Variants in MAD1L1 observed in about 807,000 individuals in gnomAD.
The protein encoded by MAD1L1 is mitotic arrest deficient 1 like 1.
MAD1L1 carries 95 observed loss-of-function variants against 96.9 expected under a neutral mutation model. The observed-to-expected ratio is 0.98, with a 90% CI of 0.83 to 1.16. The LOEUF (loss-of-function observed/expected upper bound fraction) is 1.16, where lower values mean the gene tolerates loss of function less well. Ranked by LOEUF, MAD1L1 falls within the 50% of genes most tolerant of loss-of-function variation. MAD1L1 has a pLI of 0.00. For synonymous variants in MAD1L1, 473 were observed against 396.6 expected (o/e 1.19, Z -2.29); for missense variants, 1,007 against 954.4 (o/e 1.06, Z -0.73).
intron 12 of MAD1L1, among the ~76,000 whole-genome samples, chr7:2,067,821 C>T (rs1436376662): frequency 6.6e-6 from 1 of 152,270 alleles, no homozygotes; most frequent in Non-Finnish European, 1.5e-5. Flanking sequence ...GAGAAAAGCC[C>T]TTCTGCGGCA....
intron 12 of MAD1L1, among the ~76,000 whole-genome samples, chr7:2,033,081 A>G (rs1191971117): frequency 3.9e-5 from 6 of 152,252 alleles, no homozygotes; most frequent in Admixed American, 2.0e-4. Context: ...CATGATAAAC[A>G]GACGCAGAAC....
intron 10 of MAD1L1, among the ~76,000 whole-genome samples, chr7:2,151,942 C>T (rs548436006): frequency 2.6e-5 from 4 of 152,302 alleles, no homozygotes; most frequent in African/African-American, 7.2e-5. Context: ...TACTCTGGAG[C>T]CCCGGGGCAT....
At chr7:2,043,364 A>C (rs975653077) in intron 12 of MAD1L1, among the ~76,000 whole-genome samples, 1 of 152,208 alleles carries the variant, frequency 6.6e-6, no homozygotes, top group Non-Finnish European at 1.5e-5. Flanking sequence ...GGGCAGCATT[A>C]GCATGTAAAT....
chr7:2,194,958 C>G (rs185426695), intron 10 of MAD1L1, among the ~76,000 whole-genome samples: 1 of 151,996 alleles, frequency 6.6e-6, no homozygotes, highest in Non-Finnish European at 1.5e-5. Flanking sequence ...CGTGCTGATG[C>G]GCACCTGTAG....
At chr7:2,052,195 C>G (rs531325709) in intron 12 of MAD1L1, among the ~76,000 whole-genome samples, 1 of 152,154 alleles carries the variant, frequency 6.6e-6, no homozygotes, top group Admixed American at 6.5e-5. Flanking sequence ...ACCCTATCGT[C>G]CTCGCCACGC....
chr7:1,893,142 A>G (rs1009406852), intron 18 of MAD1L1, among the ~76,000 whole-genome samples: 2 of 152,164 alleles, frequency 1.3e-5, no homozygotes, highest in African/African-American at 4.8e-5. Context: ...GAGCAGAGGC[A>G]GCAGGTTCCC....
intron 10 of MAD1L1, among the ~76,000 whole-genome samples, chr7:2,179,515 C>G (rs1791094160): frequency 6.8e-6 from 1 of 146,584 alleles, no homozygotes; most frequent in African/African-American, 2.5e-5. Flanking sequence ...GCGACAACAG[C>G]GAGACTCTGT....
rs184066865 is a variant in MAD1L1 at position 1,917,886 on chromosome 7, G to C, written c.1807+18801C>G. Among the ~76,000 whole-genome samples, 44 of 152,322 alleles carry C rather than the reference G, an allele frequency of 2.9e-4. No individual in the cohort carries two copies. In the East Asian group the frequency reaches 8.1e-3, roughly 28 times the overall value. On this transcript the variant is annotated intron_variant, in intron 17 of 18. Coordinates refer to ENST00000265854, the MANE Select transcript of MAD1L1 (RefSeq NM_001013836.2). ...GTTCCCCAGGAAGACAAAGCCCCCA[G>C]AGCAGCAAAGAGAAGGGCTAGCGGG...
At chr7:2,115,112 G>A (rs1275075549) in intron 11 of MAD1L1, among the ~76,000 whole-genome samples, 1 of 152,230 alleles carries the variant, frequency 6.6e-6, no homozygotes, top group African/African-American at 2.4e-5. Context: ...AGAAGCCGGG[G>A]CCCACCACTG....
chr7:2,229,235 G>A (rs1241667734), intron 3 of MAD1L1, among the ~76,000 whole-genome samples: 1 of 152,108 alleles, frequency 6.6e-6, no homozygotes, highest in East Asian at 1.9e-4. Context: ...CCAGGCAGAG[G>A]AGCCTAGAGG....
chr7:2,132,988 C>G (rs1282557493), intron 11 of MAD1L1, among the ~76,000 whole-genome samples: 3 of 152,250 alleles, frequency 2.0e-5, no homozygotes, highest in Non-Finnish European at 4.4e-5. Flanking sequence ...CCTGGCGTCT[C>G]CCTGCTCTCC....
intron 18 of MAD1L1, among the ~76,000 whole-genome samples, chr7:1,889,018 C>A (rs1042873787): frequency 2.0e-5 from 3 of 152,222 alleles, no homozygotes; most frequent in Non-Finnish European, 2.9e-5. Context: ...TGGCAGGGAT[C>A]CACTCAGCGC....
chr7:1,926,671 A>G (rs910503947), intron 17 of MAD1L1, among the ~76,000 whole-genome samples: 4 of 152,254 alleles, frequency 2.6e-5, no homozygotes, highest in African/African-American at 9.6e-5. Flanking sequence ...AGCATCTGAC[A>G]GACGCCAACA....
chr7:2,045,385 CG>C (rs1232969932), intron 12 of MAD1L1, among the ~76,000 whole-genome samples: 1 of 152,170 alleles, frequency 6.6e-6, no homozygotes, highest in Non-Finnish European at 1.5e-5. Flanking sequence ...CTCAGGCTGC[CG>C]GGTGCCCTCT....
intron 12 of MAD1L1, among the ~76,000 whole-genome samples, chr7:2,034,553 C>G (rs1291005739): frequency 6.6e-6 from 1 of 152,136 alleles, no homozygotes; most frequent in Non-Finnish European, 1.5e-5. Flanking sequence ...GAAGAAACAT[C>G]GTACAGCCAA....
chr7:1,980,053 G>T (rs1234882260), intron 15 of MAD1L1, among the ~76,000 whole-genome samples: 1 of 152,210 alleles, frequency 6.6e-6, no homozygotes, highest in Admixed American at 6.5e-5. Context: ...CAGCAGAGGA[G>T]CAAGACTTTA....
intron 10 of MAD1L1, among the ~76,000 whole-genome samples, chr7:2,160,251 C>A (rs1479289345): frequency 2.0e-5 from 3 of 149,074 alleles, no homozygotes; most frequent in African/African-American, 7.4e-5. Flanking sequence ...AAAAAAAAAT[C>A]TAAAAGATAA....
At chr7:2,226,005 T>C (rs1056104972) in intron 3 of MAD1L1, among the ~76,000 whole-genome samples, 1 of 152,150 alleles carries the variant, frequency 6.6e-6, no homozygotes, top group Non-Finnish European at 1.5e-5. Context: ...AACTCCTAGG[T>C]GCTGCCCACA....
intron 16 of MAD1L1, among the ~76,000 whole-genome samples, chr7:1,938,719 G>A (rs752048688): frequency 6.6e-6 from 1 of 151,708 alleles, no homozygotes; most frequent in Non-Finnish European, 1.5e-5. Context: ...ACACACATGG[G>A]CCAGGGCTGG....
Sources: allele counts gnomAD v4.1 joint callset (sites outside exome capture counted in the v4.1 genomes callset), GRCh38; gene constraint gnomAD v4.1.1; transcripts MANE v1.5; gene names NCBI Gene and HGNC (gene_info 2026-07-23, HGNC 2026-07-21).